Variants in DYNLRB2 observed in about 807,000 individuals in gnomAD.
DYNLRB2 encodes the protein bithoraxoid-like protein.
Under a neutral mutation model 12.6 loss-of-function variants are expected in DYNLRB2, and 14 were observed. That is an observed-to-expected ratio of 1.11 (90% CI 0.73 to 1.73). The LOEUF is 1.73. Among genes scored for constraint, DYNLRB2 ranks in the 40% most tolerant of loss-of-function variants. The pLI, the probability that DYNLRB2 is intolerant of heterozygous loss-of-function variation, is 0.00. For missense variants in DYNLRB2, 142 were observed against 117.7 expected (o/e 1.21, Z -0.95); for synonymous variants, 53 against 37.0 (o/e 1.43, Z -1.57).
chr16:80,549,449 G>GA (rs1444486436), intron 2 of DYNLRB2, 35 bp from the exon 3 acceptor site: 3 of 1,540,592 alleles, frequency 1.9e-6, no homozygotes, highest in African/African-American at 2.8e-5. Context: ...TTTCTAATCA[G>GA]AAAAAATATT....
In DYNLRB2 at chr16:80,543,710, G is replaced by A. The variant is rs531479163; in HGVS notation, c.79+359G>A. 1.2e-4 allele frequency among the ~76,000 whole-genome samples: 19 copies of A among 152,252 alleles called. No individual in the cohort carries two copies. In the South Asian group the frequency reaches 2.7e-3, roughly 22 times the overall value. On this transcript the variant is annotated intron_variant, in intron 2 of 3. Coordinates refer to ENST00000305904, the MANE Select transcript of DYNLRB2 (RefSeq NM_130897.3). ...ATATCATTGTTGGTGGGTTGTTTGC[G>A]TTTCAACATTATGAACCATACAGAA...
chr16:80,550,525 T>G lies in DYNLRB2; in HGVS notation c.258T>G (p.Tyr86Ter). Residue 86 changes from tyrosine to a stop codon, truncating the protein, a stop_gained, in exon 4 of 4, where the codon TAT becomes TAG. Coordinates refer to ENST00000305904, the MANE Select transcript of DYNLRB2 (RefSeq NM_130897.3). LOFTEE classifies it high-confidence loss of function. Reference protein sequence around the residue: ...HEIMVAPDKEYLLIVIQNPCE With the variant: ...HEIMVAPDKE ...TCCATCTCTCCATAGATAAGGAATA[T>G]CTTCTGATCGTCATTCAGAATCCAT... 1 of 1,614,194 alleles carries G rather than the reference T, an allele frequency of 6.2e-7. No individual in the cohort carries two copies. Among genetic ancestry groups the G allele is most frequent in the Non-Finnish European group, 8.5e-7 (1 of 1,180,020 alleles).
At chr16:80,541,281 T>C (rs7185063) in intron 1 of DYNLRB2, 933,996 of 962,976 alleles carry the variant, frequency 0.97, 453,712 homozygotes, top group Non-Finnish European at 0.98. Flanking sequence ...TGGAAGCTGT[T>C]TTGGGAATTG....
chr16:80,543,956 C>T (rs574891541), intron 2 of DYNLRB2, among the ~76,000 whole-genome samples: 1 of 152,210 alleles, frequency 6.6e-6, no homozygotes, highest in Non-Finnish European at 1.5e-5. Context: ...CATTGCTCCA[C>T]GCTCAGCTAT....
At position 80,549,501 on chromosome 16, in the gene DYNLRB2, A is replaced by G; in HGVS notation, c.97A>G (p.Thr33Ala). ...VNAEGIPIRT[T>A]LDNSTTVQYA... ...CATAATAGGTATTCCCATCCGAACA[A>G]CCTTGGACAACTCAACAACTGTTCA... The change falls in exon 3 of 4, where the codon ACC becomes GCC. Residue 33 changes from threonine to alanine, a missense_variant. Thr to Ala is a moderately conservative substitution (Grantham distance 58). Coordinates refer to ENST00000305904, the MANE Select transcript of DYNLRB2 (RefSeq NM_130897.3). The G allele has an allele frequency of 5.0e-6, 8 of 1,609,464 alleles. No individual in the cohort carries two copies. Among genetic ancestry groups the G allele is most frequent in the Non-Finnish European group, 6.8e-6 (8 of 1,177,248 alleles).
chr16:80,541,276 G>A (rs1158564568), intron 1 of DYNLRB2, 197 bp downstream of exon 1: 2 of 954,384 alleles, frequency 2.1e-6, no homozygotes, highest in Non-Finnish European at 2.5e-6. Context: ...ATGACTGGAA[G>A]CTGTTTTGGG....
chr16:80,544,127 C>A (rs1295890647), intron 2 of DYNLRB2, among the ~76,000 whole-genome samples: 1 of 152,200 alleles, frequency 6.6e-6, no homozygotes, highest in Non-Finnish European at 1.5e-5. Flanking sequence ...AACTCAGTGC[C>A]TTGGAAAAAT....
chr16:80,541,575 TC>T (rs1417988498), intron 1 of DYNLRB2, among the ~76,000 whole-genome samples: 1 of 56,742 alleles, frequency 1.8e-5, no homozygotes, highest in Non-Finnish European at 3.3e-5. Flanking sequence ...CCCGCCCCCC[TC>T]CCCCCCAGAA....
chr16:80,544,946 A>G (rs971506700), intron 2 of DYNLRB2: 2 of 152,174 alleles, frequency 1.3e-5, no homozygotes, highest in African/African-American at 2.4e-5. Context: ...CCCGAATCCA[A>G]TGTGACCTCA....
At chr16:80,546,189 G>C (rs1407892456) in intron 2 of DYNLRB2, among the ~76,000 whole-genome samples, 1 of 152,124 alleles carries the variant, frequency 6.6e-6, no homozygotes, top group Non-Finnish European at 1.5e-5. Context: ...TGTAAGCTAC[G>C]TGACCAGAAT....
chr16:80,550,753 G>A lies in DYNLRB2; in HGVS notation c.*195G>A. The A allele has an allele frequency of 1.6e-6, 1 of 619,222 alleles. No homozygotes were observed. The highest frequency in any genetic ancestry group is 2.8e-6 in the Non-Finnish European group (1 of 356,436). 38.4% of individuals were successfully genotyped at this position (619,222 alleles called of 1,614,324 possible). A position where few individuals can be genotyped will look rare whatever the true frequency, so the allele number is the denominator to read the frequency against. On this transcript the variant is annotated 3_prime_UTR_variant, in exon 4 of 4. Coordinates refer to ENST00000305904, the MANE Select transcript of DYNLRB2 (RefSeq NM_130897.3). ...GTTGTACTTTAGTGATACAATAAGT[G>A]AATTCTGGTATATACGTCTCTATTG...
chr16:80,550,494 A>G, intron 3 of DYNLRB2, 21 bp from the exon 4 acceptor site: 1 of 1,613,840 alleles, frequency 6.2e-7, no homozygotes, highest in Non-Finnish European at 8.5e-7. Flanking sequence ...GGGTGAATTG[A>G]TTTTATCCAT....
In DYNLRB2 at chr16:80,550,532, A is replaced by G; in HGVS notation, c.265A>G (p.Ile89Val). The G allele has an allele frequency of 1.2e-6, 2 of 1,614,202 alleles. No individual in the cohort carries two copies. Among genetic ancestry groups the G allele is most frequent in the East Asian group, 4.5e-5 (2 of 44,876 alleles). The change falls in exon 4 of 4, where the codon ATC becomes GTC. Residue 89 changes from isoleucine (I) to valine (V), a missense_variant. Physicochemically the swap from Ile to Val is conservative, Grantham distance 29. Transcript: ENST00000305904. ...CTCCATAGATAAGGAATATCTTCTGATCGTCATTCAGAATCCATGTGAATA... is the reference window on the plus strand; with the variant it reads ...CTCCATAGATAAGGAATATCTTCTGGTCGTCATTCAGAATCCATGTGAATA... ...MVAPDKEYLL[I>V]VIQNPCE
intron 2 of DYNLRB2, among the ~76,000 whole-genome samples, chr16:80,543,896 C>G (rs1904314874): frequency 6.6e-6 from 1 of 152,198 alleles, no homozygotes; most frequent in Non-Finnish European, 1.5e-5. Context: ...CAGAAACTTG[C>G]TCTTGCTGCA....
In DYNLRB2 at chr16:80,550,780, C is replaced by T. The variant is rs1167229078; in HGVS notation, c.*222C>T. On this transcript the variant is annotated 3_prime_UTR_variant, in exon 4 of 4. Coordinates refer to ENST00000305904, the MANE Select transcript of DYNLRB2 (RefSeq NM_130897.3). ...ATTCTGGTATATACGTCTCTATTGT[C>T]TTATAATACACAAAACCAAGGATTC... is the stretch of plus-strand genomic sequence containing the variant. 1.3e-5 allele frequency: 7 copies of T among 552,370 alleles called. No individual in the cohort carries two copies. The highest frequency in any genetic ancestry group is 9.5e-5 in the African/African-American group (5 of 52,828). The allele number at this position is 552,370 out of a possible 1,614,324, so 34.2% of individuals were successfully genotyped here.
intron 1 of DYNLRB2, among the ~76,000 whole-genome samples, chr16:80,541,555 T>A (rs1364209957): frequency 1.5e-5 from 2 of 137,058 alleles, no homozygotes; most frequent in African/African-American, 2.7e-5. Context: ...AGGAAAGAAG[T>A]GATGGGAGAC....
chr16:80,547,354 A>C (rs1904537453), intron 2 of DYNLRB2, among the ~76,000 whole-genome samples: 1 of 152,210 alleles, frequency 6.6e-6, no homozygotes, highest in Non-Finnish European at 1.5e-5. Context: ...GGAAGTGGGT[A>C]AATTTTATAC....
At chr16:80,547,963 A>C (rs1904583896) in intron 2 of DYNLRB2, 1 of 328,956 alleles carries the variant, frequency 3.0e-6, no homozygotes, top group South Asian at 2.4e-5. Context: ...ATCAGTCTTC[A>C]AAGTCAAAAT....
chr16:80,541,029 C>G lies in DYNLRB2; in HGVS notation c.-48C>G, dbSNP rs540524209. 108 of 1,598,834 alleles carry G rather than the reference C, an allele frequency of 6.8e-5. No homozygotes were observed. The highest frequency in any genetic ancestry group is 1.7e-4 in the Middle Eastern group (1 of 6,030). On this transcript the variant is annotated 5_prime_UTR_variant, in exon 1 of 4. Coordinates refer to ENST00000305904, the MANE Select transcript of DYNLRB2 (RefSeq NM_130897.3). ...ACGGCGGGTAGCGTTGTTGACATCC[C>G]GGGAGGCTGTGCCGCCGGCCTGAGC... is the stretch of plus-strand genomic sequence containing the variant.
Sources: allele counts gnomAD v4.1 joint callset (sites outside exome capture counted in the v4.1 genomes callset), GRCh38; gene constraint gnomAD v4.1.1; transcripts MANE v1.5; gene names NCBI Gene and HGNC (gene_info 2026-07-23, HGNC 2026-07-21).